The following SLC14A2 variants were observed in gnomAD, a reference collection of about 807,000 sequenced individuals.
SLC14A2 encodes urea transporter 2.
SLC14A2 carries 91 observed loss-of-function variants against 104.6 expected under a neutral mutation model. The ratio of observed to expected loss-of-function variants is 0.87; its 90% CI spans 0.73 to 1.04. The LOEUF is 1.04. Ranked by LOEUF, SLC14A2 falls within the 50% of genes least tolerant of loss-of-function variation. The pLI is 0.00. For synonymous variants in SLC14A2, 476 were observed against 466.4 expected (o/e 1.02, Z -0.27); for missense variants, 1,189 against 1,156.0 (o/e 1.03, Z -0.41).
chr18:45,638,491 C>T (rs753118343), intron 6 of SLC14A2, among the ~76,000 whole-genome samples: 1 of 152,182 alleles, frequency 6.6e-6, no homozygotes, highest in Non-Finnish European at 1.5e-5. Context: ...TCTACAGCAA[C>T]GTCTACAGTA....
In SLC14A2 at chr18:45,226,863, C is replaced by T. The variant is rs116577573; in HGVS notation, c.-125+13672C>T. ...AAGTAATGAAAACTGGACTAATTGT[C>T]ACTTAAATAGATAGAAGTTTATTTT... On this transcript the variant is annotated intron_variant, in intron 1 of 20. Transcript: ENST00000586448. Among the ~76,000 whole-genome samples the T allele has an allele frequency of 6.4e-3, 970 of 151,858 alleles. 21 individuals carry two copies. Among genetic ancestry groups the T allele is most frequent in the African/African-American group, 0.022 (917 of 41,264 alleles).
intron 1 of SLC14A2, among the ~76,000 whole-genome samples, chr18:45,272,446 C>T (rs1185139708): frequency 6.6e-6 from 1 of 151,998 alleles, no homozygotes; most frequent in Non-Finnish European, 1.5e-5. Context: ...GTTGCAACAA[C>T]ATTTTACTAT....
chr18:45,304,073 A>G (rs1451022146), intron 1 of SLC14A2, among the ~76,000 whole-genome samples: 2 of 152,212 alleles, frequency 1.3e-5, no homozygotes, highest in African/African-American at 2.4e-5. Flanking sequence ...AAGCTTAATG[A>G]TGTAGAGCAG....
chr18:45,645,323 T>C (rs2045600789), intron 10 of SLC14A2, among the ~76,000 whole-genome samples: 2 of 152,116 alleles, frequency 1.3e-5, no homozygotes, highest in Non-Finnish European at 2.9e-5. Flanking sequence ...GTCTTTACAA[T>C]AGAATGATTT....
chr18:45,369,011 TA>T (rs2144348104), intron 1 of SLC14A2, among the ~76,000 whole-genome samples: 1 of 152,294 alleles, frequency 6.6e-6, no homozygotes, highest in South Asian at 2.1e-4. Context: ...TGGGGATACC[TA>T]AATTGAATGA....
At chr18:45,614,441 A>G (rs1047097291), upstream of SLC14A2, among the ~76,000 whole-genome samples, 2 of 152,310 alleles carry the variant, frequency 1.3e-5, no homozygotes, top group East Asian at 3.9e-4. Context: ...ACCGTACTCC[A>G]GACCCCAGAA....
intron 2 of SLC14A2, among the ~76,000 whole-genome samples, chr18:45,563,281 G>T (rs1214917731): frequency 6.6e-6 from 1 of 152,224 alleles, no homozygotes; most frequent in African/African-American, 2.4e-5. Context: ...CAAAGTCTGT[G>T]CTGGCAGCCA....
chr18:45,656,171 T>G (rs1157233739), intron 10 of SLC14A2, among the ~76,000 whole-genome samples: 1 of 152,172 alleles, frequency 6.6e-6, no homozygotes, highest in African/African-American at 2.4e-5. Context: ...TAGTCTAGAG[T>G]AACCTCTGCA....
At chr18:45,263,454 A>G (rs2084560046) in intron 1 of SLC14A2, among the ~76,000 whole-genome samples, 1 of 152,210 alleles carries the variant, frequency 6.6e-6, no homozygotes, top group African/African-American at 2.4e-5. Context: ...TTTGAAATTT[A>G]TAGATATCTT....
chr18:45,314,948 T>C (rs555418773), intron 1 of SLC14A2, among the ~76,000 whole-genome samples: 6 of 152,208 alleles, frequency 3.9e-5, no homozygotes, highest in Non-Finnish European at 7.3e-5. Context: ...GCAAACCTCA[T>C]GTTAGCATGT....
At chr18:45,439,986 G>T (rs1421193) in intron 1 of SLC14A2, among the ~76,000 whole-genome samples, 10,594 of 152,198 alleles carry the variant, frequency 0.07, 685 homozygotes, top group East Asian at 0.2. Context: ...CCTGTGACTG[G>T]TTTAACTGAG....
At chr18:45,637,341 A>G (rs1481121674) in intron 6 of SLC14A2, among the ~76,000 whole-genome samples, 159 bp downstream of exon 6, 17 of 152,346 alleles carry the variant, frequency 1.1e-4, no homozygotes, top group South Asian at 1.0e-3. Flanking sequence ...TGCCACATCC[A>G]TAGATCCTTT....
At chr18:45,532,006 G>A (rs1289522586) in intron 2 of SLC14A2, among the ~76,000 whole-genome samples, 1 of 152,162 alleles carries the variant, frequency 6.6e-6, no homozygotes, top group Non-Finnish European at 1.5e-5. Context: ...AGATCAGATA[G>A]TTGTAGATAT....
intron 1 of SLC14A2, among the ~76,000 whole-genome samples, chr18:45,358,228 G>A (rs117073584): frequency 1.6e-3 from 241 of 152,292 alleles, no homozygotes; most frequent in Middle Eastern, 3.4e-3. Flanking sequence ...TGTTTACCAC[G>A]TGCATTGATT....
intron 1 of SLC14A2, among the ~76,000 whole-genome samples, chr18:45,426,391 A>T (rs866945360): frequency 6.6e-6 from 1 of 151,996 alleles, no homozygotes. Flanking sequence ...AAGGCAGAAG[A>T]CATGCCTCCT....
At chr18:45,239,498 G>A (rs939837305) in intron 1 of SLC14A2, among the ~76,000 whole-genome samples, 1 of 152,248 alleles carries the variant, frequency 6.6e-6, no homozygotes, top group African/African-American at 2.4e-5. Context: ...AGGGTGAGGA[G>A]GGCAAGCTAG....
intron 1 of SLC14A2, among the ~76,000 whole-genome samples, chr18:45,406,626 C>T (rs9955949): frequency 0.013 from 1,941 of 152,260 alleles, 37 homozygotes; most frequent in African/African-American, 0.044. Context: ...CTTTACCAAA[C>T]ATATTTCTTA....
intron 2 of SLC14A2, among the ~76,000 whole-genome samples, chr18:45,588,809 A>AT (rs1006169286): frequency 2.0e-5 from 3 of 152,152 alleles, no homozygotes; most frequent in South Asian, 2.1e-4. Flanking sequence ...GATTGAAGAC[A>AT]TTTTTTCTAA....
the SLC14A2 span, among the ~76,000 whole-genome samples, chr18:45,203,160 G>C: frequency 1.3e-5 from 2 of 152,194 alleles, no homozygotes; most frequent in African/African-American, 2.4e-5. Flanking sequence ...CTCCTGAAAT[G>C]ACAGACCCAC....
Sources: gnomAD v4.1 joint callset for allele counts (sites outside exome capture counted in the v4.1 genomes callset) on GRCh38, gnomAD v4.1.1 for gene constraint, MANE v1.5 for transcripts, NCBI Gene and HGNC (gene_info 2026-07-23, HGNC 2026-07-21) for gene names.